Variants in KIAA1671 observed in about 807,000 individuals in gnomAD.
KIAA1671 encodes the protein uncharacterized protein KIAA1671.
In KIAA1671, 52 loss-of-function variants were observed where a neutral mutation model predicts 131.2. The observed-to-expected ratio is 0.40, with a 90% CI of 0.32 to 0.50. The LOEUF (loss-of-function observed/expected upper bound fraction) is 0.50, where lower values mean the gene tolerates loss of function less well. Ranked by LOEUF, KIAA1671 falls within the 20% of genes least tolerant of loss-of-function variation. KIAA1671 has a pLI of 0.73. For missense variants in KIAA1671, 2,360 were observed against 2,364.2 expected, an observed-to-expected ratio of 1.00 and a Z score of 0.04; for synonymous variants, 1,003 against 961.6, an observed-to-expected ratio of 1.04 and a Z score of -0.80.
At chr22:25,061,516 T>C (rs1038094085) in intron 6 of KIAA1671, 1 of 152,272 alleles carries the variant, frequency 6.6e-6, no homozygotes, top group Non-Finnish European at 1.5e-5. Context: ...CTTCATTGAT[T>C]GAGCAGTTGC....
At chr22:25,055,191 G>T in intron 6 of KIAA1671, 1 of 149,860 alleles carries the variant, frequency 6.7e-6, no homozygotes. Context: ...CTGGAAAAAG[G>T]AGGGGAGGAA....
intron 6 of KIAA1671, among the ~76,000 whole-genome samples, chr22:25,142,191 C>A (rs1932816190): frequency 6.6e-6 from 1 of 152,134 alleles, no homozygotes; most frequent in African/African-American, 2.4e-5. Flanking sequence ...GCACTGTGTA[C>A]TTTAGCGGCA....
chr22:24,974,210 G>C (rs1212275088), intron 1 of KIAA1671, among the ~76,000 whole-genome samples: 2 of 152,164 alleles, frequency 1.3e-5, no homozygotes, highest in Non-Finnish European at 2.9e-5. Flanking sequence ...GTAAGCTGAG[G>C]ACTGAAGTTC....
chr22:25,034,823 C>T lies in KIAA1671; in HGVS notation c.1629+2127C>T, dbSNP rs1052314480. Among the ~76,000 whole-genome samples the T allele has an allele frequency of 3.3e-5, 5 of 151,906 alleles. No individual in the cohort carries two copies. The South Asian group carries it at 6.2e-4, about 19-fold the overall frequency. On this transcript the variant is annotated intron_variant, in intron 4 of 12. Coordinates refer to ENST00000358431, the MANE Select transcript of KIAA1671 (RefSeq NM_001145206.2). The stretch of plus-strand genomic sequence containing the variant: ...CGCGATCTCGGCTCACTGCAAGCTC[C>T]GCCTCCTGGGTTCACACCATTCTCC...
chr22:25,185,899 G>C (rs5996851), intron 11 of KIAA1671: 2 of 152,000 alleles, frequency 1.3e-5, no homozygotes, highest in Non-Finnish European at 2.9e-5. Flanking sequence ...GAAGTACTCA[G>C]TGAAGCAGAG....
chr22:25,150,991 C>T (rs1933019048), intron 6 of KIAA1671, among the ~76,000 whole-genome samples: 2 of 152,136 alleles, frequency 1.3e-5, no homozygotes, highest in Non-Finnish European at 2.9e-5. Context: ...CGCCTCCACG[C>T]CCGGCTAATT....
Position 25,028,452 on chromosome 22 carries a change from A to C in KIAA1671, c.453A>C (p.Lys151Asn), listed in dbSNP as rs1926080733. 6.4e-7 allele frequency: 1 copy of C among 1,550,568 alleles called. No homozygotes were observed. The highest frequency in any genetic ancestry group is 8.7e-7 in the Non-Finnish European group (1 of 1,146,588). ...SSTMILFETT[K>N]SGPALGKAVS... is the part of the protein sequence containing the mutation. ...CCATGATTCTCTTCGAAACCACCAAAAGCGGCCCCGCTCTGGGGAAGGCGG... is the reference window on the plus strand; with the variant it reads ...CCATGATTCTCTTCGAAACCACCAACAGCGGCCCCGCTCTGGGGAAGGCGG... The change falls in exon 3 of 13, where the codon AAA becomes AAC. Residue 151 changes from lysine (K) to asparagine (N), a missense_variant. Physicochemically the swap from Lys to Asn is moderately conservative, Grantham distance 94. This residue lies in a region of KIAA1671 where 1,185 missense variants were observed against 1,126.2 expected (regional missense o/e 1.05). Transcript: ENST00000358431.
chr22:25,186,657 A>G (rs1044886342), intron 11 of KIAA1671, among the ~76,000 whole-genome samples: 2 of 152,238 alleles, frequency 1.3e-5, no homozygotes, highest in Non-Finnish European at 2.9e-5. Context: ...ATGGTGGACA[A>G]TTGGGTCTTA....
chr22:25,028,928 C>G lies in KIAA1671; in HGVS notation c.929C>G (p.Ala310Gly). ...KVADEGSGPT[A>G]GDMAGLERPR... ...GCCGATGAAGGAAGTGGACCCACAG[C>G]AGGGGATATGGCTGGGCTAGAGAGG... Residue 310 changes from alanine (A) to glycine (G), a missense_variant, in exon 3 of 13, where the codon GCA (alanine) becomes GGA (glycine). By Grantham distance (60) the Ala-to-Gly change is moderately conservative. This residue lies in a region of KIAA1671 where 1,185 missense variants were observed against 1,126.2 expected (regional missense o/e 1.05). Transcript: ENST00000358431. 1 of 1,551,592 alleles carries G rather than the reference C, an allele frequency of 6.4e-7. No individual in the cohort carries two copies.
chr22:25,143,487 C>T (rs542643037), intron 6 of KIAA1671, among the ~76,000 whole-genome samples: 1 of 152,352 alleles, frequency 6.6e-6, no homozygotes, highest in East Asian at 1.9e-4. Flanking sequence ...GAAAAGCTCA[C>T]AGTCCAGGGT....
chr22:25,069,679 G>A (rs1416652990), intron 6 of KIAA1671, among the ~76,000 whole-genome samples: 2 of 152,166 alleles, frequency 1.3e-5, no homozygotes, highest in Middle Eastern at 3.2e-3. Flanking sequence ...CTCCTTCTGG[G>A]GGGATCAGAA....
chr22:25,044,545 T>A (rs1475778149), intron 5 of KIAA1671, among the ~76,000 whole-genome samples: 1 of 152,062 alleles, frequency 6.6e-6, no homozygotes, highest in Admixed American at 6.6e-5. Flanking sequence ...TGTCAGGGGA[T>A]CTGTTTTCTC....
intron 6 of KIAA1671, among the ~76,000 whole-genome samples, chr22:25,093,732 C>CTCTCTT (rs759879869): frequency 9.0e-6 from 1 of 111,528 alleles, no homozygotes; most frequent in African/African-American, 4.4e-5. Flanking sequence ...CACACACACA[C>CTCTCTT]ACACACTCTC....
At chr22:24,973,952 T>C (rs1384818645) in intron 1 of KIAA1671, among the ~76,000 whole-genome samples, 2 of 152,198 alleles carry the variant, frequency 1.3e-5, no homozygotes, top group Non-Finnish European at 2.9e-5. Context: ...AAGCCGGTGC[T>C]GAATGTGCCG....
chr22:25,159,149 C>T lies in KIAA1671; in HGVS notation c.4531-11671C>T, dbSNP rs139533834. On this transcript the variant is annotated intron_variant, in intron 6 of 12. Coordinates refer to ENST00000358431, the MANE Select transcript of KIAA1671 (RefSeq NM_001145206.2). ...CAGCTGTTGTTTGTGTTTATAGCCTCCAAGGAAGCCCCCACTCAGAGCTTT... is the reference window on the plus strand; with the variant it reads ...CAGCTGTTGTTTGTGTTTATAGCCTTCAAGGAAGCCCCCACTCAGAGCTTT... Among the ~76,000 whole-genome samples, 309 of 152,196 alleles carry T rather than the reference C, an allele frequency of 2.0e-3. 1 individual carries two copies. Among genetic ancestry groups the T allele is most frequent in the African/African-American group, 6.7e-3 (280 of 41,536 alleles).
rs574107323 is a variant in KIAA1671 at position 25,179,325 on chromosome 22, T to C, written c.5074+1803T>C. On this transcript the variant is annotated intron_variant, in intron 9 of 12. Coordinates refer to ENST00000358431, the MANE Select transcript of KIAA1671 (RefSeq NM_001145206.2). ...CCCGGGCCCTTAGCCCGACATCTCC[T>C]CTCGCTGCTCCTTGTTCCTGCGCAC... 2.4e-5 allele frequency: 38 copies of C among 1,588,272 alleles called. 2 individuals carry two copies. In the South Asian group the frequency reaches 4.1e-4, roughly 17 times the overall value.
intron 6 of KIAA1671, among the ~76,000 whole-genome samples, chr22:25,145,199 A>T (rs920745607): frequency 2.6e-5 from 4 of 152,220 alleles, no homozygotes; most frequent in Non-Finnish European, 5.9e-5. Context: ...GCCTGTCAAC[A>T]TTCTATAAAT....
chr22:25,110,785 C>T (rs377745930), intron 6 of KIAA1671, among the ~76,000 whole-genome samples: 1 of 152,304 alleles, frequency 6.6e-6, no homozygotes, highest in East Asian at 1.9e-4. Context: ...GGTTAAAACC[C>T]AGGGAGCTCA....
chr22:25,101,944 G>A (rs1185904604), intron 6 of KIAA1671, among the ~76,000 whole-genome samples: 5 of 152,176 alleles, frequency 3.3e-5, no homozygotes. Context: ...GACCCCAGAG[G>A]TGCCCCCTGC....
Sources: gnomAD v4.1 joint callset for allele counts (sites outside exome capture counted in the v4.1 genomes callset) on GRCh38, gnomAD v4.1.1 for gene constraint, gnomAD v4.1.1 regional missense constraint, MANE v1.5 for transcripts, NCBI Gene and HGNC (gene_info 2026-07-23, HGNC 2026-07-21) for gene names.